Variants in PTPRR observed in about 807,000 individuals in gnomAD.
The protein encoded by PTPRR is receptor-type tyrosine-protein phosphatase R.
A neutral mutation model predicts 77.2 loss-of-function variants in PTPRR; 38 were observed. The ratio of observed to expected loss-of-function variants is 0.49; its 90% CI spans 0.38 to 0.65. The LOEUF is 0.65. PTPRR is among the 30% of genes least tolerant of loss of function. The pLI is 0.00. For synonymous variants in PTPRR, 299 were observed against 283.1 expected (o/e 1.06, Z -0.57); for missense variants, 744 against 799.2 (o/e 0.93, Z 0.83).
chr12:70,708,342 T>C (rs1888694638), intron 6 of PTPRR, among the ~76,000 whole-genome samples: 1 of 152,022 alleles, frequency 6.6e-6, no homozygotes, highest in Admixed American at 6.6e-5. Flanking sequence ...CCTCTGAAAA[T>C]ACAGGAATTG....
rs926719755 is a variant in PTPRR at position 70,865,610 on chromosome 12, G to A, written c.357+27069C>T. Among the ~76,000 whole-genome samples the A allele has an allele frequency of 4.1e-4, 62 of 152,256 alleles. 1 individual carries two copies. The highest frequency in any genetic ancestry group is 3.4e-3 in the Middle Eastern group (1 of 294). On this transcript the variant is annotated intron_variant, in intron 2 of 13. Transcript: ENST00000283228. ...TCTTAGGATGATACTGAATGATAAC[G>A]CTCATCCTCTGCTTCGTCTGAACCC...
intron 1 of PTPRR, among the ~76,000 whole-genome samples, chr12:70,916,859 TC>T (rs1192844670): frequency 6.6e-6 from 1 of 152,172 alleles, no homozygotes; most frequent in Non-Finnish European, 1.5e-5. Context: ...TTTGTGCCAT[TC>T]AAAAAGGCTG....
intron 10 of PTPRR, among the ~76,000 whole-genome samples, chr12:70,674,391 C>T (rs1887364141): frequency 6.6e-6 from 1 of 152,046 alleles, no homozygotes; most frequent in Non-Finnish European, 1.5e-5. Flanking sequence ...CTATAAACTT[C>T]CTTCTATGAG....
At chr12:70,749,474 CTAT>C (rs914685643) in intron 5 of PTPRR, among the ~76,000 whole-genome samples, 96 of 152,160 alleles carry the variant, frequency 6.3e-4, no homozygotes, top group African/African-American at 2.2e-3. Context: ...AATGTTATTA[CTAT>C]TAAGACAATT....
chr12:70,671,921 C>T (rs1345024623), intron 10 of PTPRR: 5 of 917,072 alleles, frequency 5.5e-6, no homozygotes, highest in Non-Finnish European at 8.6e-6. Flanking sequence ...GGCTCTGATG[C>T]TGGTCTCTGG....
intron 2 of PTPRR, among the ~76,000 whole-genome samples, chr12:70,769,065 C>A (rs796270825): frequency 0.1 from 13,140 of 130,868 alleles, 626 homozygotes; most frequent in African/African-American, 0.12. Context: ...ACTGAATGGG[C>A]AAAAACTGGA....
At chr12:70,879,896 A>C (rs1490898722) in intron 2 of PTPRR, among the ~76,000 whole-genome samples, 1 of 152,220 alleles carries the variant, frequency 6.6e-6, no homozygotes, top group Non-Finnish European at 1.5e-5. Flanking sequence ...TGAAGAAAAC[A>C]TCCAGCCAAG....
intron 6 of PTPRR, among the ~76,000 whole-genome samples, chr12:70,714,638 T>TCTACTGTATA (rs1365216513): frequency 6.6e-6 from 1 of 152,242 alleles, no homozygotes; most frequent in Non-Finnish European, 1.5e-5. Flanking sequence ...TGGAAAGTCT[T>TCTACTGTATA]CTACTGTATA....
At chr12:70,682,805 G>A (rs113488432) in intron 10 of PTPRR, among the ~76,000 whole-genome samples, 114 of 152,078 alleles carry the variant, frequency 7.5e-4, no homozygotes, top group African/African-American at 2.5e-3. Flanking sequence ...AGAATATTAG[G>A]GGTTATTTTT....
At position 70,698,490 on chromosome 12, in the gene PTPRR, A is replaced by C. The variant is rs1006669326; in HGVS notation, c.1195-141T>G. On this transcript the variant is annotated intron_variant, in intron 7 of 13. Coordinates refer to ENST00000283228, the MANE Select transcript of PTPRR (RefSeq NM_002849.4). Reference sequence around the variant, plus strand: ...GATCTAGCACCTCTGGTGGACCAACACCCTTCCTTTCCTAAACATATCAGC... The same window carrying C: ...GATCTAGCACCTCTGGTGGACCAACCCCCTTCCTTTCCTAAACATATCAGC... 4.9e-6 allele frequency: 3 copies of C among 616,436 alleles called. No individual in the cohort carries two copies. The East Asian group carries it at 8.4e-5, about 17-fold the overall frequency. 38.2% of individuals were successfully genotyped at this position (616,436 alleles called of 1,614,324 possible). A position where few individuals can be genotyped will look rare whatever the true frequency, so the allele number is the denominator to read the frequency against.
intron 2 of PTPRR, among the ~76,000 whole-genome samples, chr12:70,876,827 T>A (rs925221637): frequency 6.6e-6 from 1 of 152,186 alleles, no homozygotes; most frequent in African/African-American, 2.4e-5. Context: ...ATTATTTAAT[T>A]CAAAAAAAAT....
At chr12:70,827,509 C>G (rs1336239479) in intron 2 of PTPRR, among the ~76,000 whole-genome samples, 1 of 151,436 alleles carries the variant, frequency 6.6e-6, no homozygotes, top group Non-Finnish European at 1.5e-5. Context: ...TAAGGGAGCT[C>G]TCCAGAATAT....
chr12:70,674,595 C>G (rs1040012991), intron 10 of PTPRR, among the ~76,000 whole-genome samples: 2 of 152,010 alleles, frequency 1.3e-5, no homozygotes, highest in Non-Finnish European at 2.9e-5. Context: ...GCACTGTAAT[C>G]GAAGCATATA....
chr12:70,725,833 C>T (rs1889413736), intron 6 of PTPRR, among the ~76,000 whole-genome samples: 1 of 152,128 alleles, frequency 6.6e-6, no homozygotes, highest in Non-Finnish European at 1.5e-5. Context: ...CTCTCTGAGA[C>T]ATACAGGCCA....
At chr12:70,770,660 T>C (rs1485604110) in intron 2 of PTPRR, among the ~76,000 whole-genome samples, 4 of 152,194 alleles carry the variant, frequency 2.6e-5, no homozygotes, top group Non-Finnish European at 5.9e-5. Flanking sequence ...ACTGGGTATA[T>C]ACCCAAAGGA....
chr12:70,646,713 T>C (rs1420190496), intron 13 of PTPRR, among the ~76,000 whole-genome samples: 1 of 152,202 alleles, frequency 6.6e-6, no homozygotes, highest in Non-Finnish European at 1.5e-5. Flanking sequence ...GAATTCCTGA[T>C]CTTCAAATGA....
chr12:70,750,280 T>A (rs1890349172), intron 5 of PTPRR, among the ~76,000 whole-genome samples: 1 of 152,216 alleles, frequency 6.6e-6, no homozygotes, highest in Admixed American at 6.5e-5. Context: ...AATTTTATAA[T>A]AAAACCCATG....
chr12:70,690,479 T>G (rs1888017804), intron 8 of PTPRR, among the ~76,000 whole-genome samples: 1 of 152,162 alleles, frequency 6.6e-6, no homozygotes, highest in Non-Finnish European at 1.5e-5. Context: ...TTTAGCAACA[T>G]AACAAAAGGT....
intron 2 of PTPRR, among the ~76,000 whole-genome samples, chr12:70,864,563 A>G (rs1892807617): frequency 6.6e-6 from 1 of 152,134 alleles, no homozygotes; most frequent in Non-Finnish European, 1.5e-5. Flanking sequence ...CATCATCACT[A>G]TCAGAGTTCA....
Sources: allele counts gnomAD v4.1 joint callset (sites outside exome capture counted in the v4.1 genomes callset), GRCh38; gene constraint gnomAD v4.1.1; transcripts MANE v1.5; gene names NCBI Gene and HGNC (gene_info 2026-07-23, HGNC 2026-07-21).